The following OS9 variants were observed in gnomAD, a reference collection of about 807,000 sequenced individuals.
The protein encoded by OS9 is protein OS-9.
Under a neutral mutation model 84.7 loss-of-function variants are expected in OS9, and 58 were observed. The ratio of observed to expected loss-of-function variants is 0.68; its 90% CI spans 0.55 to 0.85. The LOEUF (loss-of-function observed/expected upper bound fraction) is 0.85, where lower values mean the gene tolerates loss of function less well. Ranked by LOEUF, OS9 falls within the 40% of genes least tolerant of loss-of-function variation. The pLI is 0.00. For missense variants in OS9, 760 were observed against 850.9 expected, an observed-to-expected ratio of 0.89 and a Z score of 1.33; for synonymous variants, 278 against 320.8, an observed-to-expected ratio of 0.87 and a Z score of 1.43.
At chr12:57,708,180 T>C (rs1172789276) in intron 5 of OS9, among the ~76,000 whole-genome samples, 2 of 152,200 alleles carry the variant, frequency 1.3e-5, no homozygotes, top group Non-Finnish European at 2.9e-5. Flanking sequence ...GCTTAAAAGG[T>C]ATACAGAGAA....
At chr12:57,694,536 C>A (rs1953766566) in intron 1 of OS9, among the ~76,000 whole-genome samples, 1 of 152,162 alleles carries the variant, frequency 6.6e-6, no homozygotes, top group Non-Finnish European at 1.5e-5. Context: ...TGTCAACCTT[C>A]AGGTCTCAGT....
chr12:57,700,993 ATT>A lies in OS9; in HGVS notation c.579+4622_579+4623del, dbSNP rs1342187695. ...TAAACAGATGTTAATGTTTTGCCTG[ATT>A]TGTTTCAGATCTCTGGTTTAAAAAA... On this transcript the variant is annotated intron_variant, in intron 5 of 14. Transcript: ENST00000315970. Among the ~76,000 whole-genome samples, 4 of 152,292 alleles carry A rather than the reference ATT, an allele frequency of 2.6e-5. No individual in the cohort carries two copies. The East Asian group carries it at 7.7e-4, about 29-fold the overall frequency.
intron 9 of OS9, 134 bp downstream of exon 9, chr12:57,716,878 A>G: frequency 1.4e-6 from 1 of 737,064 alleles, no homozygotes. Context: ...ATAGGAGTTA[A>G]TACTCTTTGT....
chr12:57,704,471 A>C lies in OS9; in HGVS notation c.579+8098A>C, dbSNP rs1250392973. Among the ~76,000 whole-genome samples, 3 of 152,124 alleles carry C rather than the reference A, an allele frequency of 2.0e-5. No individual in the cohort carries two copies. The East Asian group carries it at 5.8e-4, about 29-fold the overall frequency. On this transcript the variant is annotated intron_variant, in intron 5 of 14. Coordinates refer to ENST00000315970, the MANE Select transcript of OS9 (RefSeq NM_006812.4). ...AGAATCGCTTGAACCTGGGAGACGG[A>C]GGTTGCAGCAAACCAAGATTGCACC... is the stretch of plus-strand genomic sequence containing the variant.
intron 5 of OS9, among the ~76,000 whole-genome samples, chr12:57,707,035 T>G (rs954039506): frequency 6.6e-6 from 1 of 152,110 alleles, no homozygotes; most frequent in Non-Finnish European, 1.5e-5. Context: ...CCATTATTCA[T>G]TTGTCTAAAT....
At chr12:57,704,489 A>T (rs919217823) in intron 5 of OS9, among the ~76,000 whole-genome samples, 5 of 152,094 alleles carry the variant, frequency 3.3e-5, no homozygotes, top group East Asian at 1.9e-4. Context: ...GCAAACCAAG[A>T]TTGCACCACT....
At chr12:57,712,000 C>CT (rs1954348156) in intron 5 of OS9, among the ~76,000 whole-genome samples, 1 of 152,150 alleles carries the variant, frequency 6.6e-6, no homozygotes, top group Non-Finnish European at 1.5e-5. Context: ...TAAAGATTGT[C>CT]TTTTTTAAAC....
intron 1 of OS9, among the ~76,000 whole-genome samples, 158 bp downstream of exon 1, chr12:57,694,481 C>A (rs1953763835): frequency 6.6e-6 from 1 of 152,114 alleles, no homozygotes; most frequent in Non-Finnish European, 1.5e-5. Context: ...CAGACTGAGA[C>A]CAATTCTCTG....
Position 57,720,280 on chromosome 12 carries a change from G to A in OS9, c.1765+17G>A, listed in dbSNP as rs183835662. 2.2e-5 allele frequency: 35 copies of A among 1,613,396 alleles called. No individual in the cohort carries two copies. Among genetic ancestry groups the A allele is most frequent in the Middle Eastern group, 1.6e-4 (1 of 6,062 alleles). On this transcript the variant is annotated intron_variant, in intron 13 of 14. Transcript: ENST00000315970. Reference sequence around the variant, plus strand: ...CAGCTGCAGGTGGGCCCTGGAGGGCGGCTGGACCCAGTGCTGTCGGAAGGG... The same window carrying A: ...CAGCTGCAGGTGGGCCCTGGAGGGCAGCTGGACCCAGTGCTGTCGGAAGGG...
intron 9 of OS9, among the ~76,000 whole-genome samples, chr12:57,717,452 C>T (rs1954532330): frequency 6.6e-6 from 1 of 152,126 alleles, no homozygotes; most frequent in Admixed American, 6.5e-5. Context: ...TTGCTTGAGC[C>T]CAGGAGTTCA....
intron 5 of OS9, 53 bp from the exon 6 acceptor site, chr12:57,715,707 T>C: frequency 7.3e-7 from 1 of 1,360,772 alleles, no homozygotes; most frequent in Non-Finnish European, 1.0e-6. Context: ...CTCTAATAAC[T>C]AAAGCAAATT....
At position 57,716,524 on chromosome 12, in the gene OS9, T is replaced by G. The variant is rs1954503999; in HGVS notation, c.993+12T>G. The stretch of plus-strand genomic sequence containing the variant: ...AGGTGCCGGCTGAGGTGAGACCAGC[T>G]GCCTCAGAGGAGCAGGATGGGGATG... On this transcript the variant is annotated intron_variant, in intron 8 of 14. Coordinates refer to ENST00000315970, the MANE Select transcript of OS9 (RefSeq NM_006812.4). 6.4e-7 allele frequency: 1 copy of G among 1,564,766 alleles called. No individual in the cohort carries two copies. Among genetic ancestry groups the G allele is most frequent in the Admixed American group, 1.9e-5 (1 of 52,934 alleles).
intron 9 of OS9, among the ~76,000 whole-genome samples, chr12:57,717,536 T>C (rs1044535100): frequency 3.9e-5 from 6 of 152,158 alleles, no homozygotes; most frequent in Non-Finnish European, 8.8e-5. Context: ...CTCATGCCTG[T>C]AATCCCAGCA....
At chr12:57,697,930 C>A (rs879902746) in intron 5 of OS9, among the ~76,000 whole-genome samples, 26,971 of 89,766 alleles carry the variant, frequency 0.3, 3,610 homozygotes, top group Middle Eastern at 0.42. Flanking sequence ...CACATACACA[C>A]ACACACACAC....
At chr12:57,712,963 T>C (rs1954375156) in intron 5 of OS9, among the ~76,000 whole-genome samples, 1 of 152,188 alleles carries the variant, frequency 6.6e-6, no homozygotes, top group African/African-American at 2.4e-5. Context: ...AATTGCTTTA[T>C]TGTTTTTGAC....
At chr12:57,695,599 A>G (rs1953802827) in intron 2 of OS9, 181 bp from the exon 3 acceptor site, 7 of 710,474 alleles carry the variant, frequency 9.9e-6, no homozygotes, top group Non-Finnish European at 1.8e-5. Flanking sequence ...TCTCCAAGTC[A>G]CAGAAGGAAA....
chr12:57,714,396 G>A (rs1001927987), intron 5 of OS9, among the ~76,000 whole-genome samples: 22 of 152,050 alleles, frequency 1.4e-4, no homozygotes, highest in Non-Finnish European at 3.1e-4. Context: ...GTAGAGATGG[G>A]GTTTCTCCAT....
In OS9 at chr12:57,694,794, G is replaced by A; in HGVS notation, c.207G>A (p.Gln69=). ...DVVIVSSKYK[Q]RYECRLPAGA... The stretch of plus-strand genomic sequence containing the variant: ...TGATTGTCTCCTCTAAGTACAAACA[G>A]CGCTATGAGTGTCGCCTGCCAGCTG... Residue 69 remains glutamine, a synonymous_variant, in exon 2 of 15, where the codon CAG becomes CAA. Transcript: ENST00000315970. 1 of 1,614,060 alleles carries A rather than the reference G, an allele frequency of 6.2e-7. No individual in the cohort carries two copies. The highest frequency in any genetic ancestry group is 8.5e-7 in the Non-Finnish European group (1 of 1,180,016).
chr12:57,698,664 G>C (rs544886251), intron 5 of OS9, among the ~76,000 whole-genome samples: 1 of 152,338 alleles, frequency 6.6e-6, no homozygotes, highest in Admixed American at 6.5e-5. Flanking sequence ...GGGGGAATGA[G>C]AGGGCATTCC....
Sources: gnomAD v4.1 joint callset for allele counts (sites outside exome capture counted in the v4.1 genomes callset) on GRCh38, gnomAD v4.1.1 for gene constraint, MANE v1.5 for transcripts, NCBI Gene and HGNC (gene_info 2026-07-23, HGNC 2026-07-21) for gene names.